PRR33: variants seen among roughly 807,000 people sequenced by gnomAD.
PRR33 encodes proline-rich protein 33.
Under a neutral mutation model 0.5 loss-of-function variants are expected in PRR33, and 1 was observed. That is an observed-to-expected ratio of 2.18 (90% confidence interval 0.77 to 10.34). PRR33 has a LOEUF of 10.34. PRR33 is among the 30% of genes most tolerant of loss of function. The probability of loss-of-function intolerance (pLI) is 0.13; values close to 1 mark genes in which losing one functional copy is unlikely to be tolerated. For synonymous variants in PRR33, 226 were observed against 110.0 expected (o/e 2.06, Z -6.60); for missense variants, 552 against 251.8 (o/e 2.19, Z -8.07).
chr11:1,913,492 T>C, the PRR33 span, among the ~76,000 whole-genome samples: 1 of 152,156 alleles, frequency 6.6e-6, no homozygotes, highest in Non-Finnish European at 1.5e-5. Context: ...CCCTCTGTCT[T>C]GTTTTAGCTG....
At chr11:1,906,730 C>T in the PRR33 span, among the ~76,000 whole-genome samples, 1 of 152,188 alleles carries the variant, frequency 6.6e-6, no homozygotes, top group Non-Finnish European at 1.5e-5. Flanking sequence ...TGGGAGCAGA[C>T]ACAATTCCTA....
chr11:1,907,748 TGTC>T, the PRR33 span: 1 of 152,066 alleles, frequency 6.6e-6, no homozygotes, highest in Non-Finnish European at 1.5e-5. Flanking sequence ...TTTTTTCACA[TGTC>T]GTAGCCTCTG....
At chr11:1,888,381 C>T (rs1033520002) in exon 1 of PRR33, among the ~76,000 whole-genome samples, 1 of 152,224 alleles carries the variant, frequency 6.6e-6, no homozygotes, top group Non-Finnish European at 1.5e-5. Context: ...GGGCTCCCTC[C>T]TCATCCAGCT....
exon 1 of PRR33, chr11:1,889,344 T>C: frequency 2.8e-6 from 2 of 712,050 alleles, no homozygotes; most frequent in Non-Finnish European, 5.2e-6. Context: ...CAGGCGCCCT[T>C]GGGCCTCCGC....
the PRR33 span, among the ~76,000 whole-genome samples, chr11:1,905,125 T>C: frequency 3.3e-5 from 2 of 60,534 alleles, no homozygotes; most frequent in Non-Finnish European, 1.3e-4. Context: ...GAGAATTCTT[T>C]TTTTTTTTTT....
At chr11:1,907,072 G>C in the PRR33 span, among the ~76,000 whole-genome samples, 1 of 152,240 alleles carries the variant, frequency 6.6e-6, no homozygotes, top group Non-Finnish European at 1.5e-5. Flanking sequence ...TGTTGTGCAC[G>C]GCCCACGTGT....
the PRR33 span, among the ~76,000 whole-genome samples, chr11:1,896,958 C>T: frequency 1.3e-5 from 2 of 152,176 alleles, no homozygotes; most frequent in East Asian, 3.8e-4. Context: ...ATGGGGCAGC[C>T]CCCAAACCAA....
exon 1 of PRR33, among the ~76,000 whole-genome samples, chr11:1,888,356 T>C (rs1002495574): frequency 1.3e-5 from 2 of 152,052 alleles, no homozygotes; most frequent in Non-Finnish European, 2.9e-5. Flanking sequence ...GCTGTTCCCA[T>C]AGGGTTGGGA....
At chr11:1,890,652 G>C (rs2133146472) in exon 1 of PRR33, 1 of 660,190 alleles carries the variant, frequency 1.5e-6, no homozygotes, top group South Asian at 1.6e-5. Flanking sequence ...TGGGAGGCCT[G>C]TGTCTCCTGT....
the PRR33 span, among the ~76,000 whole-genome samples, chr11:1,902,246 A>AC: frequency 9.7e-4 from 147 of 151,812 alleles, no homozygotes; most frequent in Non-Finnish European, 1.4e-3. Flanking sequence ...AAAAAAAAAA[A>AC]ACACACAATT....
chr11:1,912,076 G>T, the PRR33 span, among the ~76,000 whole-genome samples: 1 of 151,184 alleles, frequency 6.6e-6, no homozygotes, highest in Admixed American at 6.6e-5. Context: ...AGAGGGTGAG[G>T]TGGGGGAGAT....
chr11:1,901,834 G>A, the PRR33 span, among the ~76,000 whole-genome samples: 1 of 152,232 alleles, frequency 6.6e-6, no homozygotes, highest in Non-Finnish European at 1.5e-5. Context: ...AAATGGAAAT[G>A]TCTTGTGGAG....
chr11:1,905,123 T>C, the PRR33 span, among the ~76,000 whole-genome samples: 17 of 14,338 alleles, frequency 1.2e-3, no homozygotes, highest in African/African-American at 2.6e-3. Context: ...TTGAGAATTC[T>C]TTTTTTTTTT....
At chr11:1,892,551 C>T (rs768710461), upstream of PRR33, among the ~76,000 whole-genome samples, 5 of 152,218 alleles carry the variant, frequency 3.3e-5, no homozygotes, top group African/African-American at 4.8e-5. Context: ...GCCTTGACTT[C>T]GCACCCACTG....
At chr11:1,916,779 G>A in the PRR33 span, among the ~76,000 whole-genome samples, 3 of 152,174 alleles carry the variant, frequency 2.0e-5, no homozygotes. Flanking sequence ...CCACAGCCCT[G>A]CTGTGTTTCT....
chr11:1,913,887 G>A, the PRR33 span, among the ~76,000 whole-genome samples: 8 of 152,248 alleles, frequency 5.3e-5, no homozygotes, highest in Non-Finnish European at 1.0e-4. Context: ...TGCTGCCACG[G>A]GCTCCCACTG....
upstream of PRR33, among the ~76,000 whole-genome samples, chr11:1,894,148 T>C (rs113420057): frequency 2.1e-5 from 2 of 94,290 alleles, no homozygotes; most frequent in African/African-American, 7.7e-5. Flanking sequence ...GTGTGACAAG[T>C]TCTCTGTTTC....
chr11:1,889,534 C>T (rs1381248165), exon 1 of PRR33: 3 of 613,188 alleles, frequency 4.9e-6, no homozygotes, highest in African/African-American at 1.9e-5. Context: ...TCTGGGGCCT[C>T]CTCCAGCAGC....
At chr11:1,907,637 C>G in the PRR33 span, among the ~76,000 whole-genome samples, 1 of 152,202 alleles carries the variant, frequency 6.6e-6, no homozygotes, top group Non-Finnish European at 1.5e-5. Context: ...ACGTCTCGAA[C>G]TCCTAACCTC....
Sources: gnomAD v4.1 joint callset for allele counts (sites outside exome capture counted in the v4.1 genomes callset) on GRCh38, gnomAD v4.1.1 for gene constraint, MANE v1.5 for transcripts, NCBI Gene and HGNC (gene_info 2026-07-23, HGNC 2026-07-21) for gene names.